Variants in PRKN observed in about 807,000 individuals in gnomAD.
The protein encoded by PRKN is E3 ubiquitin-protein ligase parkin.
A neutral mutation model predicts 59.5 loss-of-function variants in PRKN; 56 were observed. The ratio of observed to expected loss-of-function variants is 0.94; its 90% CI spans 0.76 to 1.18. The LOEUF (loss-of-function observed/expected upper bound fraction) is 1.18. Ranked by LOEUF, PRKN falls within the 50% of genes most tolerant of loss-of-function variation. PRKN has a pLI of 0.00. For synonymous variants in PRKN, 250 were observed against 222.1 expected (o/e 1.13, Z -1.12); for missense variants, 657 against 596.4 (o/e 1.10, Z -1.06).
rs765019621 is a variant in PRKN at position 161,377,947 on chromosome 6, C to T, written c.1167+8847G>A. ...TGTTGTTTATAAGCCAGCCAGTCTA[C>T]GGTATTGAGTGACAGCAGCCCAAAC... On this transcript the variant is annotated intron_variant, in intron 10 of 11. Transcript: ENST00000366898. This position sits in a 1 kb window ranked among gnomAD's most constrained non-coding sequence, Gnocchi z 4.2. Among the ~76,000 whole-genome samples, 14 of 152,078 alleles carry T rather than the reference C, an allele frequency of 9.2e-5. No homozygotes were observed. Among genetic ancestry groups the T allele is most frequent in the South Asian group, 2.1e-4 (1 of 4,820 alleles).
At chr6:162,213,796 A>T (rs1194314436) in intron 3 of PRKN, among the ~76,000 whole-genome samples, 1 of 144,820 alleles carries the variant, frequency 6.9e-6, no homozygotes, top group African/African-American at 2.5e-5. Context: ...ATTTCCAAAA[A>T]AAAACCATAC....
At chr6:162,590,234 A>G (rs982808124) in intron 1 of PRKN, among the ~76,000 whole-genome samples, 6 of 152,172 alleles carry the variant, frequency 3.9e-5, no homozygotes, top group African/African-American at 1.4e-4. Flanking sequence ...AGGACTTTTC[A>G]TTGTTCATGT....
chr6:162,711,866 T>A (rs1778551373), intron 1 of PRKN, among the ~76,000 whole-genome samples: 1 of 152,140 alleles, frequency 6.6e-6, no homozygotes, highest in Admixed American at 6.5e-5. Flanking sequence ...CTTGCGCAGA[T>A]CATATTAGGT....
chr6:161,667,937 C>T (rs1784780121), intron 7 of PRKN, among the ~76,000 whole-genome samples: 1 of 152,080 alleles, frequency 6.6e-6, no homozygotes, highest in Non-Finnish European at 1.5e-5. Context: ...ATGTTAAGTA[C>T]TAATATTAGT....
intron 4 of PRKN, among the ~76,000 whole-genome samples, chr6:162,058,083 T>C (rs1161117964): frequency 6.6e-6 from 1 of 152,246 alleles, no homozygotes; most frequent in African/African-American, 2.4e-5. Context: ...TTACGGACAC[T>C]ACAAATCAGA....
chr6:162,443,345 C>T lies in PRKN; in HGVS notation c.136G>A (p.Ala46Thr), dbSNP rs75860381. The change falls in exon 2 of 12, where the codon GCA becomes ACA. Residue 46 changes from alanine (A) to threonine (T), a missense_variant. Physicochemically the swap from Ala to Thr is moderately conservative, Grantham distance 58 (BLOSUM62 0). Transcript: ENST00000366898. ...CAGTCATTCCTCAGCTCCTTCCCTG[C>T]GAAAATCACACGCAACTGGTCAGCC... ...VPADQLRVIF[A>T]GKELRNDWTV... 1,732 of 1,612,992 alleles carry T rather than the reference C, an allele frequency of 1.1e-3. 11 individuals are homozygous for T. In the African/African-American group the frequency reaches 0.021, roughly 19 times the overall value.
chr6:161,501,125 A>G (rs1173609267), intron 9 of PRKN, among the ~76,000 whole-genome samples: 2 of 152,052 alleles, frequency 1.3e-5, no homozygotes, highest in Non-Finnish European at 2.9e-5. Flanking sequence ...TGCCTGCCTC[A>G]ACCTCCCAAG....
rs948686008 is a variant in PRKN at position 161,576,993 on chromosome 6, A to T, written c.872-7577T>A. Among the ~76,000 whole-genome samples the T allele has an allele frequency of 6.6e-6, 1 of 152,242 alleles. No homozygotes were observed. The highest frequency in any genetic ancestry group is 2.4e-5 in the African/African-American group (1 of 41,468). On this transcript the variant is annotated intron_variant, in intron 7 of 11. Transcript: ENST00000366898. The surrounding 1 kb of genome is among the most constrained non-coding windows in gnomAD (Gnocchi z 4.6). ...CGCAAATATACTAAGAATATAAAAT[A>T]ATGCCTGCAAATGATAAACGCCCCT...
intron 4 of PRKN, among the ~76,000 whole-genome samples, chr6:162,106,864 G>T (rs1780212602): frequency 6.6e-6 from 1 of 152,134 alleles, no homozygotes; most frequent in South Asian, 2.1e-4. Context: ...TAGCCCAGAA[G>T]GGCAAAAAGG....
chr6:162,445,560 C>T lies in PRKN; in HGVS notation c.8-2087G>A, dbSNP rs139001786. Among the ~76,000 whole-genome samples the T allele has an allele frequency of 4.4e-3, 661 of 151,618 alleles. 7 individuals carry two copies. The highest frequency in any genetic ancestry group is 0.015 in the African/African-American group (617 of 41,356). On this transcript the variant is annotated intron_variant, in intron 1 of 11. Transcript: ENST00000366898. Reference sequence around the variant, plus strand: ...TTAAACAATCAGCAGGGCGTGGTGGCGTGCACTTGCAGTCCCAGCTACTCT... The same window carrying T: ...TTAAACAATCAGCAGGGCGTGGTGGTGTGCACTTGCAGTCCCAGCTACTCT...
At chr6:162,387,555 C>CACACAG (rs1212726833) in intron 2 of PRKN, among the ~76,000 whole-genome samples, 43 of 95,628 alleles carry the variant, frequency 4.5e-4, no homozygotes, top group African/African-American at 1.3e-3. Context: ...CACACACACA[C>CACACAG]AGAGAGAGAG....
At chr6:162,101,745 TCTCTAGAGATA>T (rs1028829718) in intron 4 of PRKN, among the ~76,000 whole-genome samples, 4 of 152,160 alleles carry the variant, frequency 2.6e-5, no homozygotes, top group African/African-American at 7.2e-5. Context: ...ACTCTCTATA[TCTCTAGAGATA>T]CTCTAACTAT....
intron 4 of PRKN, among the ~76,000 whole-genome samples, chr6:162,134,481 A>T (rs1358520079): frequency 1.3e-5 from 2 of 152,208 alleles, no homozygotes; most frequent in East Asian, 3.8e-4. Context: ...TTTCAGAGCT[A>T]GGGAGGTGGC....
chr6:162,332,181 A>G (rs1440087388), intron 2 of PRKN, among the ~76,000 whole-genome samples: 1 of 152,188 alleles, frequency 6.6e-6, no homozygotes, highest in African/African-American at 2.4e-5. Flanking sequence ...AATTTCACAT[A>G]CAAGATTTCA....
intron 6 of PRKN, among the ~76,000 whole-genome samples, chr6:161,908,327 T>C (rs1475698410): frequency 1.3e-5 from 2 of 152,190 alleles, no homozygotes; most frequent in Admixed American, 6.5e-5. Flanking sequence ...ATCTTGTTTA[T>C]ACAAGCCCAG....
rs1785069376 is a variant in PRKN at position 162,360,094 on chromosome 6, GGTGGGTGTGGGTGTGGGTGCGGGT to G, written c.171+83192_171+83215del. ...ATATATACATATGTGTGTGTGTGTG[GGTGGGTGTGGGTGTGGGTGCGGGT>G]GTGGGTGTGTGGTACCTGGAACACA... On this transcript the variant is annotated intron_variant, in intron 2 of 11. Coordinates refer to ENST00000366898, the MANE Select transcript of PRKN (RefSeq NM_004562.3). Among the ~76,000 whole-genome samples, 5 of 151,652 alleles carry G rather than the reference GGTGGGTGTGGGTGTGGGTGCGGGT, an allele frequency of 3.3e-5. No homozygotes were observed. In the South Asian group the frequency reaches 1.0e-3, roughly 32 times the overall value.
chr6:162,666,250 A>T (rs979009668), intron 1 of PRKN, among the ~76,000 whole-genome samples: 1 of 152,166 alleles, frequency 6.6e-6, no homozygotes. Flanking sequence ...GGCATGCTTT[A>T]TAAGTCTGAG....
chr6:162,461,558 A>G (rs1461647327), intron 1 of PRKN, among the ~76,000 whole-genome samples: 17 of 149,980 alleles, frequency 1.1e-4, no homozygotes, highest in Non-Finnish European at 2.4e-4. Context: ...AGAAAACAAA[A>G]AAAGAAGAGA....
intron 9 of PRKN, among the ~76,000 whole-genome samples, chr6:161,431,283 A>G (rs1443696314): frequency 6.6e-6 from 1 of 152,128 alleles, no homozygotes. Flanking sequence ...CACTGAAGAA[A>G]TGGCTTTTTC....
Sources: allele counts gnomAD v4.1 joint callset (sites outside exome capture counted in the v4.1 genomes callset), GRCh38; gene constraint gnomAD v4.1.1; non-coding constraint Gnocchi (gnomAD v3.1); transcripts MANE v1.5; gene names NCBI Gene and HGNC (gene_info 2026-07-23, HGNC 2026-07-21).